Variants in IGF1R observed in about 807,000 individuals in gnomAD.
IGF1R encodes insulin-like growth factor 1 receptor.
In IGF1R, 44 loss-of-function variants were observed where a neutral mutation model predicts 144.6. The observed-to-expected ratio is 0.30, with a 90% confidence interval of 0.24 to 0.39. The LOEUF (loss-of-function observed/expected upper bound fraction) is 0.39, where lower values mean the gene tolerates loss of function less well. Among genes scored for constraint, IGF1R ranks in the 10% least tolerant of loss-of-function variants. The pLI is 1.00. For missense variants in IGF1R, 1,355 were observed against 1,833.7 expected, an observed-to-expected ratio of 0.74 and a Z score of 4.77; for synonymous variants, 795 against 722.8, an observed-to-expected ratio of 1.10 and a Z score of -1.60.
chr15:98,940,679 A>C (rs2016331900), intron 18 of IGF1R, among the ~76,000 whole-genome samples: 1 of 152,246 alleles, frequency 6.6e-6, no homozygotes, highest in South Asian at 2.1e-4. Context: ...TGCTGAGATT[A>C]CAGGCGTGAG....
At chr15:98,736,672 C>T (rs1567102340) in intron 2 of IGF1R, among the ~76,000 whole-genome samples, 2 of 146,650 alleles carry the variant, frequency 1.4e-5, no homozygotes, top group South Asian at 2.1e-4. Flanking sequence ...AGTGGAGTGG[C>T]ATGATCTCGG....
chr15:98,684,930 CTTTTTTTTTTTT>C lies in IGF1R; in HGVS notation c.95-22621_95-22610del, dbSNP rs5814891. Among the ~76,000 whole-genome samples, 74 of 113,440 alleles carry C rather than the reference CTTTTTTTTTTTT, an allele frequency of 6.5e-4. 1 individual carries two copies. The highest frequency in any genetic ancestry group is 2.2e-3 in the African/African-American group (71 of 31,832). The allele number at this position is 113,440 out of a possible 152,430, so 74.4% of individuals were successfully genotyped here. A position where few individuals can be genotyped will look rare whatever the true frequency, so the allele number is the denominator to read the frequency against. ...ATGTATATATTTCTTCTTCCTTTTC[CTTTTTTTTTTTT>C]TTTTTTTTTTAAATTTTTGAGATAG... On this transcript the variant is annotated intron_variant, in intron 1 of 20. Coordinates refer to ENST00000650285, the MANE Select transcript of IGF1R (RefSeq NM_000875.5).
At chr15:98,950,199 C>T (rs1596484172) in intron 20 of IGF1R, among the ~76,000 whole-genome samples, 2 of 152,288 alleles carry the variant, frequency 1.3e-5, no homozygotes, top group East Asian at 3.9e-4. Flanking sequence ...CACCCATCCA[C>T]CCCCCTGGAG....
At chr15:98,795,365 A>G (rs922852247) in intron 2 of IGF1R, among the ~76,000 whole-genome samples, 3 of 152,098 alleles carry the variant, frequency 2.0e-5, no homozygotes, top group Admixed American at 1.3e-4. Flanking sequence ...AAAATACACA[A>G]ATGATTAGAT....
rs567894136 is a variant in IGF1R at position 98,780,174 on chromosome 15, AAAAG to A, written c.640+72071_640+72074del. 2.9e-3 allele frequency among the ~76,000 whole-genome samples: 441 copies of A among 151,996 alleles called. 3 individuals are homozygous for A. Among genetic ancestry groups the A allele is most frequent in the African/African-American group, 0.01 (421 of 41,534 alleles). ...ATAATAAAAAAATAAATAAAATAAA[AAAAG>A]AAAAAAGAAAACTTATTCCTGTGTC... On this transcript the variant is annotated intron_variant, in intron 2 of 20. Transcript: ENST00000650285.
intron 3 of IGF1R, among the ~76,000 whole-genome samples, chr15:98,895,868 C>T (rs2014169344): frequency 6.6e-6 from 1 of 152,220 alleles, no homozygotes; most frequent in Non-Finnish European, 1.5e-5. Context: ...ACACACATCG[C>T]ATAAGTTCGT....
intron 2 of IGF1R, among the ~76,000 whole-genome samples, chr15:98,818,786 T>C (rs1202192945): frequency 8.8e-6 from 1 of 114,088 alleles, no homozygotes; most frequent in Non-Finnish European, 1.7e-5. Context: ...TATCTAGACA[T>C]TGACAGATGT....
chr15:98,750,058 A>G (rs62024536), intron 2 of IGF1R, among the ~76,000 whole-genome samples: 5,662 of 152,264 alleles, frequency 0.037, 136 homozygotes, highest in Middle Eastern at 0.061. Flanking sequence ...GGAATTGCAT[A>G]TAGCAATACC....
chr15:98,728,947 C>CGT (rs1288315323), intron 2 of IGF1R, among the ~76,000 whole-genome samples: 7 of 152,212 alleles, frequency 4.6e-5, no homozygotes, highest in African/African-American at 1.7e-4. Context: ...CTCAGCTACA[C>CGT]GACTGTGGAC....
intron 1 of IGF1R, among the ~76,000 whole-genome samples, chr15:98,702,338 A>G (rs2053756970): frequency 6.6e-6 from 1 of 151,878 alleles, no homozygotes; most frequent in African/African-American, 2.4e-5. Flanking sequence ...TTTATTTTAA[A>G]ATTTAATTTA....
intron 5 of IGF1R, among the ~76,000 whole-genome samples, chr15:98,901,791 G>A (rs2014496434): frequency 6.6e-6 from 1 of 152,208 alleles, no homozygotes. Context: ...AGGCTTTCGG[G>A]AAAAACTTGA....
At chr15:98,758,559 G>A (rs768842237) in intron 2 of IGF1R, among the ~76,000 whole-genome samples, 5 of 152,212 alleles carry the variant, frequency 3.3e-5, no homozygotes, top group Admixed American at 6.5e-5. Flanking sequence ...TAAGGCTTGG[G>A]AACAGTTCCA....
intron 5 of IGF1R, among the ~76,000 whole-genome samples, chr15:98,906,947 A>G (rs927153782): frequency 7.2e-5 from 11 of 152,228 alleles, no homozygotes; most frequent in African/African-American, 1.2e-4. Flanking sequence ...CAGAGAGCCC[A>G]GTGCTCAGGA....
At chr15:98,840,717 C>T (rs865907817) in intron 2 of IGF1R, among the ~76,000 whole-genome samples, 2 of 150,178 alleles carry the variant, frequency 1.3e-5, no homozygotes, top group South Asian at 2.1e-4. Context: ...GCTCTGTCAC[C>T]GAGGTTGGAG....
chr15:98,831,376 G>T (rs567651756), intron 2 of IGF1R, among the ~76,000 whole-genome samples: 63 of 152,326 alleles, frequency 4.1e-4, no homozygotes, highest in Admixed American at 1.2e-3. Context: ...GCTCTAGCAT[G>T]AATATAGCCC....
rs919661494 is a variant in IGF1R at position 98,652,046 on chromosome 15, G to A, written c.94+2371G>A. Among the ~76,000 whole-genome samples the A allele has an allele frequency of 3.9e-5, 6 of 152,228 alleles. No individual in the cohort carries two copies. The East Asian group carries it at 7.7e-4, about 20-fold the overall frequency. ...GAAATAAAGACAGGGTGTTGGTTCA[G>A]TTGCAGGTATTTTGCTGGCGTATTG... On this transcript the variant is annotated intron_variant, in intron 1 of 20. Coordinates refer to ENST00000650285, the MANE Select transcript of IGF1R (RefSeq NM_000875.5).
At chr15:98,651,076 G>T (rs2141159331) in intron 1 of IGF1R, 1 of 985,208 alleles carries the variant, frequency 1.0e-6, no homozygotes, top group East Asian at 1.1e-4. Flanking sequence ...CGGTGAGGGC[G>T]TGTTGGTGAG....
At chr15:98,699,991 CAT>C (rs2053687003) in intron 1 of IGF1R, among the ~76,000 whole-genome samples, 4 of 152,298 alleles carry the variant, frequency 2.6e-5, no homozygotes. Context: ...ACAACGTAAA[CAT>C]GTTCTGATTG....
At chr15:98,813,933 T>C (rs901620032) in intron 2 of IGF1R, among the ~76,000 whole-genome samples, 7 of 152,222 alleles carry the variant, frequency 4.6e-5, no homozygotes, top group Non-Finnish European at 2.9e-5. Context: ...TAACAATGAC[T>C]GTCAACAACA....
Sources: gnomAD v4.1 joint callset for allele counts (sites outside exome capture counted in the v4.1 genomes callset) on GRCh38, gnomAD v4.1.1 for gene constraint, MANE v1.5 for transcripts, NCBI Gene and HGNC (gene_info 2026-07-23, HGNC 2026-07-21) for gene names.